Variants in CBFA2T2 observed in about 807,000 individuals in gnomAD.
The protein encoded by CBFA2T2 is CBFA2/RUNX1 partner transcriptional co-repressor 2, also known as protein CBFA2T2.
In CBFA2T2, 11 loss-of-function variants were observed where a neutral mutation model predicts 62.2. That is an observed-to-expected ratio of 0.18 (90% CI 0.11 to 0.29). CBFA2T2 has a LOEUF of 0.29. Among genes scored for constraint, CBFA2T2 ranks in the 10% least tolerant of loss-of-function variants. The probability of loss-of-function intolerance (pLI) is 1.00; values close to 1 mark genes in which losing one functional copy is unlikely to be tolerated. For synonymous variants in CBFA2T2, 295 were observed against 287.5 expected, an observed-to-expected ratio of 1.03 and a Z score of -0.27; for missense variants, 592 against 774.1, an observed-to-expected ratio of 0.76 and a Z score of 2.79.
intron 1 of CBFA2T2, among the ~76,000 whole-genome samples, chr20:33,574,752 T>A (rs1383603436): frequency 6.6e-6 from 1 of 152,238 alleles, no homozygotes; most frequent in African/African-American, 2.4e-5. Context: ...TATTTTGAGA[T>A]GAGTATGATC....
intron 1 of CBFA2T2, among the ~76,000 whole-genome samples, chr20:33,592,861 A>G (rs946986726): frequency 6.6e-6 from 1 of 152,210 alleles, no homozygotes; most frequent in African/African-American, 2.4e-5. Context: ...TGTCTTATAT[A>G]TCATGACTCC....
chr20:33,636,593 G>A, intron 8 of CBFA2T2, 47 bp from the exon 9 acceptor site: 2 of 1,396,448 alleles, frequency 1.4e-6, no homozygotes, highest in East Asian at 4.6e-5. Flanking sequence ...TAAAACTGCT[G>A]ATCATAGACA....
chr20:33,520,389 G>A (rs1319946137), intron 1 of CBFA2T2, among the ~76,000 whole-genome samples: 1 of 152,090 alleles, frequency 6.6e-6, no homozygotes, highest in African/African-American at 2.4e-5. Flanking sequence ...TATTGTCTTG[G>A]TAACCAAGCT....
chr20:33,570,697 T>C (rs1180067822), intron 1 of CBFA2T2, among the ~76,000 whole-genome samples: 1 of 152,196 alleles, frequency 6.6e-6, no homozygotes, highest in Non-Finnish European at 1.5e-5. Context: ...TCTGTGGCCT[T>C]ACTGATTCTT....
At chr20:33,596,933 T>C (rs920249009) in intron 1 of CBFA2T2, among the ~76,000 whole-genome samples, 2 of 151,172 alleles carry the variant, frequency 1.3e-5, no homozygotes, top group Non-Finnish European at 2.9e-5. Flanking sequence ...TTTTTTTTTT[T>C]TTTTCTTTCT....
chr20:33,570,475 A>G (rs1354908128), intron 1 of CBFA2T2, among the ~76,000 whole-genome samples: 1 of 152,120 alleles, frequency 6.6e-6, no homozygotes, highest in African/African-American at 2.4e-5. Context: ...AGCAGTGGAG[A>G]AATTGAAAGG....
chr20:33,513,454 G>A (rs1288712544), intron 1 of CBFA2T2, among the ~76,000 whole-genome samples: 2 of 151,296 alleles, frequency 1.3e-5, no homozygotes, highest in Non-Finnish European at 2.9e-5. Context: ...TCACCTCTCA[G>A]GTTCAAGCGA....
At chr20:33,597,826 C>G (rs2014954651) in intron 1 of CBFA2T2, among the ~76,000 whole-genome samples, 1 of 152,142 alleles carries the variant, frequency 6.6e-6, no homozygotes, top group African/African-American at 2.4e-5. Context: ...TTTGAAAAGA[C>G]AGGGTCTCAT....
At chr20:33,498,505 G>T (rs1407603402) in intron 1 of CBFA2T2, among the ~76,000 whole-genome samples, 1 of 151,562 alleles carries the variant, frequency 6.6e-6, no homozygotes, top group Non-Finnish European at 1.5e-5. Flanking sequence ...TGCCCACCTC[G>T]GCCTCCCAAA....
At chr20:33,576,159 C>A (rs2013817609) in intron 1 of CBFA2T2, among the ~76,000 whole-genome samples, 1 of 152,126 alleles carries the variant, frequency 6.6e-6, no homozygotes, top group Admixed American at 6.6e-5. Context: ...GCACTTGAGT[C>A]TACCAGGGAG....
intron 1 of CBFA2T2, among the ~76,000 whole-genome samples, chr20:33,538,011 A>G (rs922793569): frequency 2.6e-5 from 4 of 152,140 alleles, no homozygotes; most frequent in African/African-American, 9.7e-5. Flanking sequence ...AAAAAAAAAA[A>G]AAAGCACGTT....
At chr20:33,564,402 G>T (rs1246441395) in intron 1 of CBFA2T2, among the ~76,000 whole-genome samples, 2 of 151,602 alleles carry the variant, frequency 1.3e-5, no homozygotes, top group Non-Finnish European at 2.9e-5. Context: ...TGGGAGTATA[G>T]GCGTGCCACC....
At chr20:33,494,243 G>GTATATATATATATATA (rs869164142) in intron 1 of CBFA2T2, among the ~76,000 whole-genome samples, 1 of 30,322 alleles carries the variant, frequency 3.3e-5, no homozygotes, top group Non-Finnish European at 5.8e-5. Context: ...ATATATATGT[G>GTATATATATATATATA]TATATATATA....
chr20:33,536,001 A>G (rs1399701701), intron 1 of CBFA2T2, among the ~76,000 whole-genome samples: 5 of 152,374 alleles, frequency 3.3e-5, no homozygotes, highest in African/African-American at 9.6e-5. Flanking sequence ...GTCACCGATC[A>G]ACAGGATCCC....
rs761397233 is a variant in CBFA2T2 at position 33,611,097 on chromosome 20, G to A, written c.182G>A (p.Ser61Asn). The change falls in exon 3 of 11, where the codon AGC becomes AAC. Residue 61 changes from serine to asparagine, a missense_variant. Transcript: ENST00000342704. ...RPVSFTPTALSNGINHSPPTL... is the reference protein window; with the variant it reads ...RPVSFTPTALNNGINHSPPTL... ...TTTCATTTTGGCTTTCTTTTAGTAA[G>A]CAATGGCATCAACCATTCTCCTCCT... 1.5e-5 allele frequency: 24 copies of A among 1,613,824 alleles called. 2 individuals are homozygous for A. The highest frequency in any genetic ancestry group is 1.1e-4 in the East Asian group (5 of 44,890).
chr20:33,644,031 C>T (rs1312983383), intron 10 of CBFA2T2, among the ~76,000 whole-genome samples: 2 of 151,410 alleles, frequency 1.3e-5, no homozygotes, highest in Non-Finnish European at 2.9e-5. Context: ...AAGATGAGTC[C>T]ATGCCTTAGG....
chr20:33,503,399 C>A lies in CBFA2T2; in HGVS notation c.34+13098C>A, dbSNP rs898451765. Reference sequence around the variant, plus strand: ...CCTCCCGACTAGCTGGGATTACAGGCGCCCGCCATCAGGCCCAGCTAATTT... The same window carrying A: ...CCTCCCGACTAGCTGGGATTACAGGAGCCCGCCATCAGGCCCAGCTAATTT... On this transcript the variant is annotated intron_variant, in intron 1 of 10. Transcript: ENST00000342704. 4.0e-5 allele frequency among the ~76,000 whole-genome samples: 6 copies of A among 151,492 alleles called. No individual in the cohort carries two copies. In the East Asian group the frequency reaches 1.2e-3, roughly 30 times the overall value.
chr20:33,554,572 T>TCTTTTCTTTC (rs1380278344), intron 1 of CBFA2T2, among the ~76,000 whole-genome samples: 1 of 149,844 alleles, frequency 6.7e-6, no homozygotes, highest in Non-Finnish European at 1.5e-5. Flanking sequence ...TCTTTTCTTT[T>TCTTTTCTTTC]CTTTTCTTTC....
chr20:33,616,179 A>T, intron 3 of CBFA2T2, among the ~76,000 whole-genome samples: 1 of 152,230 alleles, frequency 6.6e-6, no homozygotes, highest in South Asian at 2.1e-4. Flanking sequence ...AGATACATAC[A>T]TACATATACA....
Sources: allele counts gnomAD v4.1 joint callset (sites outside exome capture counted in the v4.1 genomes callset), GRCh38; gene constraint gnomAD v4.1.1; transcripts MANE v1.5; gene names NCBI Gene and HGNC (gene_info 2026-07-23, HGNC 2026-07-21).